ROCK2: variants seen among roughly 807,000 people sequenced by gnomAD.
ROCK2 encodes the protein rho-associated protein kinase 2.
Under a neutral mutation model 195.1 loss-of-function variants are expected in ROCK2, and 61 were observed. The observed-to-expected ratio is 0.31, with a 90% CI of 0.25 to 0.39. The LOEUF (loss-of-function observed/expected upper bound fraction) is 0.39. Among genes scored for constraint, ROCK2 ranks in the 10% least tolerant of loss-of-function variants. ROCK2 has a pLI of 1.00. For missense variants in ROCK2, 1,109 were observed against 1,637.4 expected (o/e 0.68, Z 5.57); for synonymous variants, 504 against 545.5 (o/e 0.92, Z 1.06).
chr2:11,249,125 T>G (rs1665737099), intron 4 of ROCK2, among the ~76,000 whole-genome samples: 1 of 152,152 alleles, frequency 6.6e-6, no homozygotes, highest in African/African-American at 2.4e-5. Context: ...CTCAATCTCC[T>G]GACCTCGTGA....
rs1209703176 is a variant in ROCK2 at position 11,215,352 on chromosome 2, G to C, written c.1658C>G (p.Ser553Cys). The C allele has an allele frequency of 1.2e-6, 2 of 1,606,384 alleles. No individual in the cohort carries two copies. Among genetic ancestry groups the C allele is most frequent in the East Asian group, 2.2e-5 (1 of 44,780 alleles). ...LKKRNQNSQISTEKVNQLQRQ... is the reference protein window; with the variant it reads ...LKKRNQNSQICTEKVNQLQRQ... ...CTGGAGTTGATTCACTTTCTCAGTG[G>C]ATATTTGAGAGTTTTGATTTCTTTT... Residue 553 changes from serine to cysteine, a missense_variant, in exon 15 of 33, where the codon TCC becomes TGC. This residue lies in a region of ROCK2 where 542 missense variants were observed against 672.0 expected (regional missense o/e 0.81). Coordinates refer to ENST00000315872, the MANE Select transcript of ROCK2 (RefSeq NM_004850.5).
At chr2:11,312,705 T>G (rs1481483554) in intron 1 of ROCK2, among the ~76,000 whole-genome samples, 1 of 152,068 alleles carries the variant, frequency 6.6e-6, no homozygotes, top group Non-Finnish European at 1.5e-5. Context: ...TTTAGCAGCT[T>G]TATAATTGCC....
At chr2:11,185,661 G>A (rs145797933) in intron 32 of ROCK2, among the ~76,000 whole-genome samples, 124 of 152,214 alleles carry the variant, frequency 8.1e-4, no homozygotes, top group South Asian at 5.4e-3. Context: ...TCCAGGAGGC[G>A]GAAGTTGTAG....
At chr2:11,286,364 G>A (rs1265904166) in intron 3 of ROCK2, among the ~76,000 whole-genome samples, 175 bp downstream of exon 3, 1 of 151,398 alleles carries the variant, frequency 6.6e-6, no homozygotes, top group African/African-American at 2.4e-5. Context: ...AGAGCTGGAA[G>A]AGACCCAGAG....
At chr2:11,294,015 G>A (rs1484044728) in intron 1 of ROCK2, among the ~76,000 whole-genome samples, 1 of 152,132 alleles carries the variant, frequency 6.6e-6, no homozygotes, top group Non-Finnish European at 1.5e-5. Context: ...AAATTAGCCA[G>A]GCATGGTGGC....
Position 11,344,140 on chromosome 2 carries a change from G to C in ROCK2, c.-4C>G. 7.0e-7 allele frequency: 1 copy of C among 1,435,850 alleles called. No homozygotes were observed. The highest frequency in any genetic ancestry group is 9.1e-7 in the Non-Finnish European group (1 of 1,100,700). 88.9% of individuals were successfully genotyped at this position (1,435,850 alleles called of 1,614,324 possible). On this transcript the variant is annotated 5_prime_UTR_variant, in exon 1 of 33. Coordinates refer to ENST00000315872, the MANE Select transcript of ROCK2 (RefSeq NM_004850.5). The surrounding 1 kb of genome is among the most constrained non-coding windows in gnomAD (Gnocchi z 5.4). ...CCGTCGGCGGGGGCCGGCTCATGCC[G>C]CCACCGCTGGACCCGCACTCAGGCT...
intron 32 of ROCK2, among the ~76,000 whole-genome samples, chr2:11,190,366 T>TA (rs34098406): frequency 1.2e-3 from 66 of 53,056 alleles, no homozygotes; most frequent in Admixed American, 8.5e-3. Flanking sequence ...AGAAGTTTTT[T>TA]AAAAAAAAAA....
chr2:11,212,784 C>T (rs73175664), intron 17 of ROCK2, among the ~76,000 whole-genome samples: 1,675 of 151,992 alleles, frequency 0.011, 31 homozygotes, highest in African/African-American at 0.038. Flanking sequence ...CACTACTTCA[C>T]ACAGTCTTTT....
intron 1 of ROCK2, among the ~76,000 whole-genome samples, chr2:11,300,932 T>C (rs1478883002): frequency 6.6e-6 from 1 of 152,170 alleles, no homozygotes; most frequent in Non-Finnish European, 1.5e-5. Flanking sequence ...CACTAACGTA[T>C]TATGCTTCTT....
intron 4 of ROCK2, among the ~76,000 whole-genome samples, chr2:11,244,773 G>GA (rs551611041): frequency 5.2e-4 from 74 of 142,076 alleles, no homozygotes; most frequent in Admixed American, 8.4e-4. Context: ...CTAGAAAAAA[G>GA]AAAAAAAAAA....
At chr2:11,274,585 T>C (rs1572346248) in intron 3 of ROCK2, among the ~76,000 whole-genome samples, 1 of 152,230 alleles carries the variant, frequency 6.6e-6, no homozygotes, top group Admixed American at 6.5e-5. Flanking sequence ...AAAATATAAA[T>C]AGACCTACAA....
chr2:11,260,049 T>A lies in ROCK2; in HGVS notation c.325-10251A>T, dbSNP rs530227639. Among the ~76,000 whole-genome samples, 61 of 151,682 alleles carry A rather than the reference T, an allele frequency of 4.0e-4. 7 individuals are homozygous for A. The highest frequency in any genetic ancestry group is 1.4e-3 in the African/African-American group (59 of 40,936). ...AACTAGAAAACCCTCTTACAGCAGATAGACTAGATTTTCAACTGATTTGTG... is the reference window on the plus strand; with the variant it reads ...AACTAGAAAACCCTCTTACAGCAGAAAGACTAGATTTTCAACTGATTTGTG... On this transcript the variant is annotated intron_variant, in intron 3 of 32. Coordinates refer to ENST00000315872, the MANE Select transcript of ROCK2 (RefSeq NM_004850.5).
rs140845069 is a variant in ROCK2 at position 11,253,795 on chromosome 2, A to G, written c.325-3997T>C. Among the ~76,000 whole-genome samples the G allele has an allele frequency of 3.3e-5, 5 of 152,386 alleles. No individual in the cohort carries two copies. In the East Asian group the frequency reaches 5.8e-4, roughly 18 times the overall value. ...AGTTTTAAAAAAGATTCAGCAGCTA[A>G]TATTTCTAGCTATCTTTTGTCAAAT... On this transcript the variant is annotated intron_variant, in intron 3 of 32. Coordinates refer to ENST00000315872, the MANE Select transcript of ROCK2 (RefSeq NM_004850.5).
intron 1 of ROCK2, among the ~76,000 whole-genome samples, chr2:11,316,702 C>T (rs934683644): frequency 1.1e-4 from 16 of 152,076 alleles, no homozygotes; most frequent in African/African-American, 2.9e-4. Flanking sequence ...TTCTTTAAGA[C>T]GTAAACATTT....
chr2:11,329,021 A>G (rs1214557522), intron 1 of ROCK2, among the ~76,000 whole-genome samples: 2 of 151,942 alleles, frequency 1.3e-5, no homozygotes, highest in East Asian at 3.9e-4. Flanking sequence ...TACATATGTA[A>G]CTAACCTGCA....
chr2:11,261,990 G>A (rs968235442), intron 3 of ROCK2, among the ~76,000 whole-genome samples: 1 of 152,078 alleles, frequency 6.6e-6, no homozygotes, highest in African/African-American at 2.4e-5. Flanking sequence ...TGAGATAATG[G>A]CTATAAATAT....
chr2:11,231,656 A>G (rs952165260), intron 5 of ROCK2, among the ~76,000 whole-genome samples: 7 of 152,152 alleles, frequency 4.6e-5, no homozygotes, highest in African/African-American at 1.7e-4. Flanking sequence ...ATATCTTACA[A>G]TGTGACTCTC....
chr2:11,245,861 C>G (rs949083573), intron 4 of ROCK2, among the ~76,000 whole-genome samples: 14 of 152,186 alleles, frequency 9.2e-5, no homozygotes, highest in African/African-American at 3.4e-4. Flanking sequence ...TGAGTTCAAA[C>G]TGATTCTCCC....
intron 5 of ROCK2, among the ~76,000 whole-genome samples, chr2:11,231,234 C>T (rs1664997483): frequency 6.7e-6 from 1 of 149,602 alleles, no homozygotes; most frequent in East Asian, 2.0e-4. Context: ...GACAGAGTCT[C>T]GCTTTGTCAC....
Sources: allele counts gnomAD v4.1 joint callset (sites outside exome capture counted in the v4.1 genomes callset), GRCh38; gene constraint gnomAD v4.1.1; regional missense constraint gnomAD v4.1.1; non-coding constraint Gnocchi (gnomAD v3.1); transcripts MANE v1.5; gene names NCBI Gene and HGNC (gene_info 2026-07-23, HGNC 2026-07-21).